Variants in NSUN2 observed in about 807,000 individuals in gnomAD.
NSUN2 encodes RNA cytosine C(5)-methyltransferase NSUN2.
A neutral mutation model predicts 92.7 loss-of-function variants in NSUN2; 63 were observed. The ratio of observed to expected loss-of-function variants is 0.68; its 90% CI spans 0.56 to 0.84. The LOEUF is 0.84. Ranked by LOEUF, NSUN2 falls within the 40% of genes least tolerant of loss-of-function variation. The pLI, the probability that NSUN2 is intolerant of heterozygous loss-of-function variation, is 0.00. For synonymous variants in NSUN2, 356 were observed against 348.3 expected (o/e 1.02, Z -0.25); for missense variants, 989 against 964.9 (o/e 1.02, Z -0.33).
intron 3 of NSUN2, 72 bp from the exon 4 acceptor site, chr5:6,625,741 T>C: frequency 9.5e-7 from 1 of 1,054,578 alleles, no homozygotes; most frequent in Non-Finnish European, 1.5e-6. Flanking sequence ...TTTGTGCTTC[T>C]ATCAGTCGCA....
chr5:6,600,115 C>T lies in NSUN2; in HGVS notation c.2115G>A (p.Glu705=), dbSNP rs757252698. Residue 705 remains glutamate (E), a synonymous_variant, in exon 19 of 19, where the codon GAG becomes GAA. Coordinates refer to ENST00000264670, the MANE Select transcript of NSUN2 (RefSeq NM_017755.6). The stretch of plus-strand genomic sequence containing the variant: ...CTTCCTTCTTCTTTTCTCCCAATAC[C>T]TCCAGCCCCATCATCCTGAGATAAT... ...RLHYLRMMGL[E]VLGEKKKEGV... 2.4e-5 allele frequency: 39 copies of T among 1,614,060 alleles called. No individual in the cohort carries two copies. Among genetic ancestry groups the T allele is most frequent in the Non-Finnish European group, 3.1e-5 (37 of 1,180,024 alleles).
chr5:6,602,872 A>G (rs1477569713), intron 17 of NSUN2, among the ~76,000 whole-genome samples: 1 of 152,246 alleles, frequency 6.6e-6, no homozygotes, highest in Non-Finnish European at 1.5e-5. Flanking sequence ...ATACATAAAA[A>G]TTGTCTAAAA....
chr5:6,630,672 G>A (rs1389861961), intron 3 of NSUN2, among the ~76,000 whole-genome samples: 1 of 152,112 alleles, frequency 6.6e-6, no homozygotes, highest in Non-Finnish European at 1.5e-5. Flanking sequence ...GCCAATGAAA[G>A]AAAAACAAGC....
chr5:6,611,448 TA>T (rs760872450), intron 10 of NSUN2, among the ~76,000 whole-genome samples: 5,114 of 86,134 alleles, frequency 0.059, 254 homozygotes, highest in Middle Eastern at 0.1. Flanking sequence ...CGGCCCAATT[TA>T]AAAAAAAAAA....
rs1175009797 is a variant in NSUN2 at position 6,623,929 on chromosome 5, C to G, written c.466-644G>C. Reference sequence around the variant, plus strand: ...TCAGGTGCAGACAAAATCCTCCTGCCCTGCCCAGCACTAGCCTCAACCACA... The same window carrying G: ...TCAGGTGCAGACAAAATCCTCCTGCGCTGCCCAGCACTAGCCTCAACCACA... On this transcript the variant is annotated intron_variant, in intron 4 of 18. Transcript: ENST00000264670. Among the ~76,000 whole-genome samples, 3 of 152,304 alleles carry G rather than the reference C, an allele frequency of 2.0e-5. No individual in the cohort carries two copies. In the East Asian group the frequency reaches 5.8e-4, roughly 29 times the overall value.
At chr5:6,630,537 A>G (rs576405437) in intron 3 of NSUN2, among the ~76,000 whole-genome samples, 1 of 152,162 alleles carries the variant, frequency 6.6e-6, no homozygotes, top group East Asian at 1.9e-4. Flanking sequence ...ATATCCCAGC[A>G]ACACATTCCA....
chr5:6,599,962 T>C lies in NSUN2; in HGVS notation c.2268A>G (p.Ala756=). The C allele has an allele frequency of 2.5e-6, 4 of 1,614,096 alleles. No homozygotes were observed. The highest frequency in any genetic ancestry group is 3.4e-6 in the Non-Finnish European group (4 of 1,180,040). ...AEEANSPDVT[A]GCDPAGVHPP... ...GATGGACCCCCGCCGGGTCACAGCCTGCTGTCACGTCTGGACTGTTGGCCT... is the reference window on the plus strand; with the variant it reads ...GATGGACCCCCGCCGGGTCACAGCCCGCTGTCACGTCTGGACTGTTGGCCT... The change falls in exon 19 of 19, where the codon GCA becomes GCG. Residue 756 remains alanine, a synonymous_variant. Transcript: ENST00000264670.
At chr5:6,602,555 G>A (rs2303710) in intron 17 of NSUN2, 55 bp from the exon 18 acceptor site, 35 of 1,494,374 alleles carry the variant, frequency 2.3e-5, no homozygotes, top group Middle Eastern at 1.7e-4. Context: ...GGATGCATGC[G>A]CTGAGCACAT....
At chr5:6,621,104 G>A (rs1482948466) in intron 6 of NSUN2, 3 of 152,166 alleles carry the variant, frequency 2.0e-5, no homozygotes, top group South Asian at 2.1e-4. Flanking sequence ...AAGATAGGAC[G>A]AGATGAAAGC....
intron 6 of NSUN2, 43 bp downstream of exon 6, chr5:6,621,973 A>C (rs1230973150): frequency 2.6e-6 from 4 of 1,523,558 alleles, no homozygotes; most frequent in Non-Finnish European, 3.6e-6. Flanking sequence ...ACAATCTGCC[A>C]AAGTGGCATT....
At chr5:6,625,504 C>T (rs1293961169) in intron 4 of NSUN2, 60 bp downstream of exon 4, 23 of 1,267,390 alleles carry the variant, frequency 1.8e-5, no homozygotes, top group Non-Finnish European at 2.4e-5. Flanking sequence ...AACAGAACTA[C>T]ACTACATCTA....
intron 11 of NSUN2, among the ~76,000 whole-genome samples, chr5:6,610,671 G>A (rs577521876): frequency 1.5e-5 from 2 of 137,694 alleles, no homozygotes; most frequent in Non-Finnish European, 3.2e-5. Context: ...ATGACAGAGT[G>A]AGACTCTCTC....
At chr5:6,618,058 CT>C in intron 7 of NSUN2, 34 bp from the exon 8 acceptor site, 1 of 1,490,200 alleles carries the variant, frequency 6.7e-7, no homozygotes, top group Non-Finnish European at 9.4e-7. Context: ...GCAAAGCTCC[CT>C]ACAGGTGGAT....
intron 4 of NSUN2, among the ~76,000 whole-genome samples, chr5:6,624,917 A>G (rs1257321287): frequency 6.6e-6 from 1 of 152,222 alleles, no homozygotes; most frequent in Non-Finnish European, 1.5e-5. Flanking sequence ...ACATAAGCAA[A>G]TAGCTGTTTT....
Position 6,618,093 on chromosome 5 carries a change from A to T in NSUN2, c.816-69T>A, listed in dbSNP as rs558703376. On this transcript the variant is annotated intron_variant, in intron 7 of 18. Transcript: ENST00000264670. ...ATGACTGCACTTTAACAGATATGTCACATACAAGCTAAGTTACAAAACAAG... is the reference window on the plus strand; with the variant it reads ...ATGACTGCACTTTAACAGATATGTCTCATACAAGCTAAGTTACAAAACAAG... The T allele has an allele frequency of 4.5e-5, 44 of 969,734 alleles. No homozygotes were observed. In the African/African-American group the frequency reaches 7.0e-4, roughly 15 times the overall value. 60.1% of individuals were successfully genotyped at this position (969,734 alleles called of 1,614,324 possible).
chr5:6,614,674 G>A (rs1737141295), intron 9 of NSUN2, among the ~76,000 whole-genome samples: 1 of 152,174 alleles, frequency 6.6e-6, no homozygotes, highest in East Asian at 1.9e-4. Context: ...GGTGAGGGTG[G>A]CAGAAGCATC....
Position 6,604,251 on chromosome 5 carries a change from A to G in NSUN2, c.1844T>C (p.Ile615Thr), listed in dbSNP as rs771418093. Residue 615 changes from isoleucine to threonine, a missense_variant, in exon 17 of 19, where the codon ATT becomes ACT. By Grantham distance (89) the Ile-to-Thr change is moderately conservative (BLOSUM62 -1). This residue lies in a region of NSUN2 where 626 missense variants were observed against 602.3 expected (regional missense o/e 1.04). Coordinates refer to ENST00000264670, the MANE Select transcript of NSUN2 (RefSeq NM_017755.6). The part of the protein sequence containing the change: ...QEGIYTLYPF[I>T]NSRIITVSME... ...TGATACAGTAATAATTCTTGAGTTA[A>G]TAAATGGATACAATGTATATATTCC... The G allele has an allele frequency of 6.3e-7, 1 of 1,599,408 alleles. No homozygotes were observed. The highest frequency in any genetic ancestry group is 2.2e-5 in the East Asian group (1 of 44,810).
chr5:6,632,914 G>GCCAT lies in NSUN2; in HGVS notation c.62_65dup (p.Ala23TrpfsTer79), dbSNP rs1041431561. The GCCAT allele has an allele frequency of 1.8e-5, 28 of 1,521,160 alleles. No individual in the cohort carries two copies. Among genetic ancestry groups the GCCAT allele is most frequent in the Non-Finnish European group, 2.2e-5 (25 of 1,141,104 alleles). The allele number at this position is 1,521,160 out of a possible 1,614,324, so 94.2% of individuals were successfully genotyped here. A position where few individuals can be genotyped will look rare whatever the true frequency, so the allele number is the denominator to read the frequency against. Reference sequence around the variant, plus strand: ...CGCCGCGCTTTCCACCACCCTCGGCGCCATCCTCCGCGTCCTCCGGCCGCT... The same window carrying GCCAT: ...CGCCGCGCTTTCCACCACCCTCGGCGCCATCCATCCTCCGCGTCCTCCGGCCGCT... On this transcript the variant is annotated frameshift_variant, in exon 1 of 19. Coordinates refer to ENST00000264670, the MANE Select transcript of NSUN2 (RefSeq NM_017755.6). LOFTEE classifies it high-confidence loss of function.
intron 14 of NSUN2, among the ~76,000 whole-genome samples, chr5:6,606,131 T>TATATTC (rs1736759781): frequency 6.6e-6 from 1 of 152,262 alleles, no homozygotes; most frequent in Non-Finnish European, 1.5e-5. Context: ...CTCTATATTC[T>TATATTC]GTCTATGTCA....
Sources: allele counts gnomAD v4.1 joint callset (sites outside exome capture counted in the v4.1 genomes callset), GRCh38; gene constraint gnomAD v4.1.1; regional missense constraint gnomAD v4.1.1; transcripts MANE v1.5; gene names NCBI Gene and HGNC (gene_info 2026-07-23, HGNC 2026-07-21).